Variants in PDZD7 observed in about 807,000 individuals in gnomAD.
PDZD7 encodes the protein PDZ domain-containing protein 7.
In PDZD7, 72 loss-of-function variants were observed where a neutral mutation model predicts 84.7. That is an observed-to-expected ratio of 0.85 (90% CI 0.70 to 1.03). PDZD7 has a LOEUF of 1.03. Ranked by LOEUF, PDZD7 falls within the 50% of genes least tolerant of loss-of-function variation. The pLI is 0.00. For missense variants in PDZD7, 1,490 were observed against 1,412.9 expected (o/e 1.05, Z -0.87); for synonymous variants, 594 against 580.7 (o/e 1.02, Z -0.33).
intron 2 of PDZD7, among the ~76,000 whole-genome samples, chr10:101,024,881 C>T (rs947024487): frequency 4.0e-5 from 6 of 150,486 alleles, no homozygotes; most frequent in African/African-American, 1.2e-4. Context: ...GCTTTCTGAG[C>T]TTCACATGCC....
Position 101,020,610 on chromosome 10 carries a change from C to A in PDZD7, c.928+8G>T. On this transcript the variant is annotated splice_region_variant and intron_variant, in intron 7 of 16. Coordinates refer to ENST00000619208, the MANE Select transcript of PDZD7 (RefSeq NM_001195263.2). ...TCCCTCCAACCTTGGGAGATCTGAG[C>A]CACTTACGTCGGTCCAGCCAGCAGT... 1 of 1,612,718 alleles carries A rather than the reference C, an allele frequency of 6.2e-7. No homozygotes were observed.
At chr10:101,017,795 A>G (rs12221157) in intron 9 of PDZD7, 1 of 467,798 alleles carries the variant, frequency 2.1e-6, no homozygotes. Flanking sequence ...TCAAAAAAAA[A>G]AAAGAAAGAA....
chr10:101,009,333 C>A lies in PDZD7; in HGVS notation c.2635G>T (p.Gly879Cys). ...KQSLGISISG[G>C]IESKVQPMVK... ...ATGGGCTGCACCTTGGACTCAATGC[C>A]CCCAGAAATGCTGATACCTAGTGAC... is the stretch of plus-strand genomic sequence containing the variant. Residue 879 changes from glycine to cysteine, a missense_variant, in exon 16 of 17, where the codon GGC becomes TGC. Gly to Cys is a radical substitution (Grantham distance 159). Transcript: ENST00000619208. 1.3e-6 allele frequency: 2 copies of A among 1,536,000 alleles called. No homozygotes were observed. The highest frequency in any genetic ancestry group is 1.7e-6 in the Non-Finnish European group (2 of 1,146,826).
At chr10:101,011,322 T>A in intron 14 of PDZD7, 1 of 419,622 alleles carries the variant, frequency 2.4e-6, no homozygotes, top group Non-Finnish European at 3.8e-6. Context: ...ATTACAGGCG[T>A]GAGCCACCGC....
chr10:101,017,348 A>G, intron 9 of PDZD7: 1 of 401,804 alleles, frequency 2.5e-6, no homozygotes, highest in Non-Finnish European at 4.5e-6. Flanking sequence ...GTTTAGACCC[A>G]GCTTAAATCA....
intron 10 of PDZD7, 130 bp from the exon 11 acceptor site, chr10:101,015,941 G>C: frequency 9.7e-7 from 1 of 1,034,668 alleles, no homozygotes. Flanking sequence ...TCCCCACCAT[G>C]GTAGCCCACA....
chr10:101,012,215 A>G lies in PDZD7; in HGVS notation c.1793T>C (p.Leu598Pro). ...CTTCTCCGGCCTGTCGAGGATGGCC[A>G]GCAGGGGCCTCACCAGGTCCTCTAT... is the stretch of plus-strand genomic sequence containing the variant. Reference protein sequence around the residue: ...GGIEDLVRPLLAILDRPEKLL... With the variant: ...GGIEDLVRPLPAILDRPEKLL... Residue 598 changes from leucine (L) to proline (P), a missense_variant, in exon 12 of 17, where the codon CTG becomes CCG. By Grantham distance (98) the Leu-to-Pro change is moderately conservative (BLOSUM62 -3). Transcript: ENST00000619208. 2 of 1,550,458 alleles carry G rather than the reference A, an allele frequency of 1.3e-6. No homozygotes were observed. Among genetic ancestry groups the G allele is most frequent in the Non-Finnish European group, 1.7e-6 (2 of 1,146,994 alleles).
Position 101,010,558 on chromosome 10 carries a change from A to ACGGCTGCGGCTGCGGCTC in PDZD7, c.2330_2331insGAGCCGCAGCCGCAGCCG (p.Arg779_Ser784dup). ...GGCTGCTGCGGCTGCGGCTGCGGCT[A>ACGGCTGCGGCTGCGGCTC]CGGCTGCGGCTACGGCTCTGAGCCC... On this transcript the variant is annotated inframe_insertion, in exon 15 of 17. Coordinates refer to ENST00000619208, the MANE Select transcript of PDZD7 (RefSeq NM_001195263.2). 6.9e-7 allele frequency: 1 copy of ACGGCTGCGGCTGCGGCTC among 1,440,944 alleles called. No individual in the cohort carries two copies. Among genetic ancestry groups the ACGGCTGCGGCTGCGGCTC allele is most frequent in the African/African-American group, 1.5e-5 (1 of 67,480 alleles). The allele number at this position is 1,440,944 out of a possible 1,614,324, so 89.3% of individuals were successfully genotyped here. A position where few individuals can be genotyped will look rare whatever the true frequency, so the allele number is the denominator to read the frequency against.
chr10:101,019,049 G>A lies in PDZD7; in HGVS notation c.1097C>T (p.Ala366Val), dbSNP rs1216565026. The A allele has an allele frequency of 1.9e-6, 3 of 1,572,916 alleles. No individual in the cohort carries two copies. Among genetic ancestry groups the A allele is most frequent in the Non-Finnish European group, 2.6e-6 (3 of 1,165,000 alleles). ...GGGCTCCGTCTGCATGGCTGTGTCC[G>A]CCCGCCCCCAGCCTGGGCCGCGGCT... ...PGSRGPGWGR[A>V]DTAMQTEPDA... Residue 366 changes from alanine (A) to valine (V), a missense_variant, in exon 8 of 17, where the codon GCG becomes GTG. Coordinates refer to ENST00000619208, the MANE Select transcript of PDZD7 (RefSeq NM_001195263.2).
At position 101,027,393 on chromosome 10, in the gene PDZD7, G is replaced by A. The variant is rs981069508; in HGVS notation, c.226+2601C>T. On this transcript the variant is annotated intron_variant, in intron 2 of 16. Coordinates refer to ENST00000619208, the MANE Select transcript of PDZD7 (RefSeq NM_001195263.2). ...TTTAGAAGGTCAGCTCCTCTTCCTC[G>A]TTCCCCTCCTGGCTCAGACACCACT... is the stretch of plus-strand genomic sequence containing the variant. 5.3e-5 allele frequency among the ~76,000 whole-genome samples: 8 copies of A among 152,066 alleles called. No homozygotes were observed. In the East Asian group the frequency reaches 5.8e-4, roughly 11 times the overall value.
intron 9 of PDZD7, among the ~76,000 whole-genome samples, chr10:101,016,850 A>C (rs148298614): frequency 2.0e-5 from 3 of 152,216 alleles, no homozygotes; most frequent in Admixed American, 6.5e-5. Flanking sequence ...AGAGAGATGC[A>C]CTGACGGAGA....
At position 101,021,657 on chromosome 10, in the gene PDZD7, A is replaced by C. The variant is rs142783161; in HGVS notation, c.867+141T>G. 2.5e-4 allele frequency: 338 copies of C among 1,342,274 alleles called. No homozygotes were observed. In the African/African-American group the frequency reaches 4.4e-3, roughly 17 times the overall value. 83.1% of individuals were successfully genotyped at this position (1,342,274 alleles called of 1,614,324 possible). A position where few individuals can be genotyped will look rare whatever the true frequency, so the allele number is the denominator to read the frequency against. ...CTCTAAACCTGTTTCTTCTTCTTCA[A>C]AACAGGGATGAGAACAATGCCTGTC... On this transcript the variant is annotated intron_variant, in intron 6 of 16. Transcript: ENST00000619208.
Position 101,030,268 on chromosome 10 carries a change from G to C in PDZD7, c.-49C>G. The C allele has an allele frequency of 2.0e-6, 3 of 1,495,964 alleles. No individual in the cohort carries two copies. The highest frequency in any genetic ancestry group is 2.7e-6 in the Non-Finnish European group (3 of 1,103,332). The allele number at this position is 1,495,964 out of a possible 1,614,324, so 92.7% of individuals were successfully genotyped here. On this transcript the variant is annotated 5_prime_UTR_variant, in exon 2 of 17. Coordinates refer to ENST00000619208, the MANE Select transcript of PDZD7 (RefSeq NM_001195263.2). ...CTACAGGTCCAGAAGGAATCTGCTA[G>C]CTCTGGAGAGGCCAGCCCTGCGTGC...
Position 101,022,380 on chromosome 10 carries a change from T to A in PDZD7, c.548A>T (p.Asp183Val), listed in dbSNP as rs770676126. Residue 183 changes from aspartate (D) to valine (V), a missense_variant, in exon 5 of 17, where the codon GAT (aspartate) becomes GTT (valine). Transcript: ENST00000619208. The stretch of plus-strand genomic sequence containing the variant: ...CACTACCAGGCGCCGATTCACCACA[T>A]CCACCCTGGACAACAGCAGGGGGCC... The part of the protein sequence containing the change: ...KFSKEKTTWV[D>V]VVNRRLVVEK... 1.7e-5 allele frequency: 28 copies of A among 1,613,948 alleles called. No individual in the cohort carries two copies. Among genetic ancestry groups the A allele is most frequent in the Non-Finnish European group, 2.3e-5 (27 of 1,180,030 alleles).
chr10:101,016,212 T>C (rs780601280), intron 10 of PDZD7, among the ~76,000 whole-genome samples, 165 bp downstream of exon 10: 3 of 152,192 alleles, frequency 2.0e-5, no homozygotes, highest in Non-Finnish European at 4.4e-5. Context: ...GTCAGCTTAG[T>C]CCAATTCTTT....
intron 15 of PDZD7, among the ~76,000 whole-genome samples, chr10:101,009,872 G>T (rs2133996343): frequency 6.6e-6 from 1 of 152,146 alleles, no homozygotes; most frequent in East Asian, 1.9e-4. Context: ...CTCCTGAAGT[G>T]CTGGGATTAC....
In PDZD7 at chr10:101,019,065, G is replaced by A. The variant is rs1191466119; in HGVS notation, c.1081C>T (p.Pro361Ser). The A allele has an allele frequency of 1.3e-6, 2 of 1,574,786 alleles. No individual in the cohort carries two copies. The highest frequency in any genetic ancestry group is 1.7e-6 in the Non-Finnish European group (2 of 1,166,546). Residue 361 changes from proline (P) to serine (S), a missense_variant, in exon 8 of 17, where the codon CCA becomes TCA. By Grantham distance (74) the Pro-to-Ser change is moderately conservative (BLOSUM62 -1). Coordinates refer to ENST00000619208, the MANE Select transcript of PDZD7 (RefSeq NM_001195263.2). ...GCTGTGTCCGCCCGCCCCCAGCCTG[G>A]GCCGCGGCTGCCGGGCTCCTCCTGC... Reference protein sequence around the residue: ...LGQEEPGSRGPGWGRADTAMQ... With the variant: ...LGQEEPGSRGSGWGRADTAMQ...
chr10:101,013,980 G>C (rs1467845912), intron 11 of PDZD7, among the ~76,000 whole-genome samples: 1 of 151,078 alleles, frequency 6.6e-6, no homozygotes, highest in Non-Finnish European at 1.5e-5. Context: ...CTACCGAGTA[G>C]CTGGGATTAC....
In PDZD7 at chr10:101,030,140, G is replaced by C. The variant is rs1324482244; in HGVS notation, c.80C>G (p.Ser27Cys). The change falls in exon 2 of 17, where the codon TCC becomes TGC. Residue 27 changes from serine to cysteine, a missense_variant. Physicochemically the swap from Ser to Cys is moderately radical, Grantham distance 112 (BLOSUM62 -1). Coordinates refer to ENST00000619208, the MANE Select transcript of PDZD7 (RefSeq NM_001195263.2). ...TGAGTCGCTGCCTAGGTGGCCTCGG[G>C]AGGAGAGGGAGCTCAGAGAGCCGGA... ...LSSGSLSSLSSRGHLGSDSGS... is the reference protein window; with the variant it reads ...LSSGSLSSLSCRGHLGSDSGS... 6.2e-7 allele frequency: 1 copy of C among 1,614,032 alleles called. No individual in the cohort carries two copies. Among genetic ancestry groups the C allele is most frequent in the Admixed American group, 1.7e-5 (1 of 60,012 alleles).
Sources: allele counts gnomAD v4.1 joint callset (sites outside exome capture counted in the v4.1 genomes callset), GRCh38; gene constraint gnomAD v4.1.1; transcripts MANE v1.5; gene names NCBI Gene and HGNC (gene_info 2026-07-23, HGNC 2026-07-21).